Variants in DNAH8 observed in about 807,000 individuals in gnomAD.
DNAH8 encodes the protein dynein axonemal heavy chain 8.
In DNAH8, 382 loss-of-function variants were observed where a neutral mutation model predicts 562.1. The ratio of observed to expected loss-of-function variants is 0.68; its 90% CI spans 0.63 to 0.74. DNAH8 has a LOEUF of 0.74. DNAH8 is among the 30% of genes least tolerant of loss of function. The probability of loss-of-function intolerance (pLI) is 0.00; values close to 1 mark genes in which losing one functional copy is unlikely to be tolerated. For missense variants in DNAH8, 5,203 were observed against 5,620.4 expected (o/e 0.93, Z 2.37); for synonymous variants, 1,881 against 1,919.4 (o/e 0.98, Z 0.52).
At chr6:38,881,499 GT>G (rs372968158) in intron 53 of DNAH8, among the ~76,000 whole-genome samples, 161 of 151,448 alleles carry the variant, frequency 1.1e-3, no homozygotes, top group African/African-American at 3.8e-3. Context: ...ACCACAGGTT[GT>G]AAGGAACATC....
chr6:38,721,346 A>G (rs1034900419), intron 1 of DNAH8, among the ~76,000 whole-genome samples: 7 of 151,618 alleles, frequency 4.6e-5, no homozygotes, highest in African/African-American at 1.7e-4. Context: ...AAACAAACAA[A>G]CAAATAAATA....
intron 24 of DNAH8, among the ~76,000 whole-genome samples, chr6:38,813,491 A>G (rs1250470220): frequency 3.3e-5 from 5 of 152,036 alleles, no homozygotes; most frequent in African/African-American, 1.2e-4. Context: ...AAGAGAATGG[A>G]CAGTTTACAT....
At chr6:38,735,561 G>A (rs1046288158) in intron 5 of DNAH8, among the ~76,000 whole-genome samples, 3 of 152,136 alleles carry the variant, frequency 2.0e-5, no homozygotes, top group African/African-American at 7.2e-5. Flanking sequence ...ATGCCTCTAT[G>A]TATGGATGTT....
chr6:38,863,847 T>C (rs1776829935), intron 44 of DNAH8, 26 bp from the exon 45 acceptor site: 1 of 1,564,508 alleles, frequency 6.4e-7, no homozygotes, highest in Non-Finnish European at 8.6e-7. Context: ...AGTAAAACTT[T>C]ACAAATTAAC....
At chr6:38,789,990 C>A in intron 19 of DNAH8, 107 bp downstream of exon 19, 1 of 770,220 alleles carries the variant, frequency 1.3e-6, no homozygotes, top group Non-Finnish European at 2.0e-6. Flanking sequence ...GACCCTCCAT[C>A]TTTCTAGTTC....
chr6:38,825,960 A>T (rs1033230377), intron 28 of DNAH8, among the ~76,000 whole-genome samples, 196 bp from the exon 29 acceptor site: 9 of 152,288 alleles, frequency 5.9e-5, no homozygotes, highest in South Asian at 4.1e-4. Context: ...ACGGGGATAC[A>T]TGCTCTGTGG....
intron 4 of DNAH8, 42 bp from the exon 5 acceptor site, chr6:38,734,432 A>C: frequency 6.3e-7 from 1 of 1,587,602 alleles, no homozygotes; most frequent in African/African-American, 1.4e-5. Flanking sequence ...TCATTTGATT[A>C]GTTGTGTGAT....
rs1319882935 is a variant in DNAH8, at chr6:38,805,520, A to G, written c.3074A>G (p.Glu1025Gly). 2 of 1,610,220 alleles carry G rather than the reference A, an allele frequency of 1.2e-6. No individual in the cohort carries two copies. The highest frequency in any genetic ancestry group is 1.7e-6 in the Non-Finnish European group (2 of 1,176,912). ...GTTGTTTTTGGAAGTGAAACAGGAGAGGGTGAAAACAATGACTATGAAGCT... is the reference window on the plus strand; with the variant it reads ...GTTGTTTTTGGAAGTGAAACAGGAGGGGGTGAAAACAATGACTATGAAGCT... ...KHVVFGSETG[E>G]GENNDYEANI... The change falls in exon 23 of 93, where the codon GAG becomes GGG. Residue 1025 changes from glutamate to glycine, a missense_variant. Physicochemically the swap from Glu to Gly is moderately conservative, Grantham distance 98. Around this residue, in one of 6 missense-constraint regions of DNAH8, gnomAD observed 2,176 missense variants for 2,365.1 expected, o/e 0.92. Coordinates refer to ENST00000327475, the MANE Select transcript of DNAH8 (RefSeq NM_001206927.2).
At chr6:38,881,998 T>G (rs1778532932) in intron 53 of DNAH8, among the ~76,000 whole-genome samples, 1 of 152,186 alleles carries the variant, frequency 6.6e-6, no homozygotes, top group East Asian at 1.9e-4. Flanking sequence ...TTAATTCCAT[T>G]TCAGGCAAGG....
intron 41 of DNAH8, among the ~76,000 whole-genome samples, chr6:38,854,832 A>G (rs759899786): frequency 7.3e-5 from 11 of 150,784 alleles, no homozygotes; most frequent in Non-Finnish European, 1.5e-4. Context: ...GTATGTGTGT[A>G]TATATATATG....
chr6:38,763,064 C>A, intron 11 of DNAH8: 1 of 376,780 alleles, frequency 2.7e-6, no homozygotes, highest in South Asian at 2.2e-5. Context: ...GGTTTTAAAA[C>A]ATCATGGAAA....
At chr6:38,826,068 T>C (rs1773291906) in intron 28 of DNAH8, 88 bp from the exon 29 acceptor site, 3 of 799,074 alleles carry the variant, frequency 3.8e-6, no homozygotes, top group Non-Finnish European at 5.9e-6. Flanking sequence ...GGTTAGTGAC[T>C]ACTGAATTGG....
chr6:38,816,838 G>C (rs1772326041), intron 26 of DNAH8, among the ~76,000 whole-genome samples: 1 of 152,162 alleles, frequency 6.6e-6, no homozygotes, highest in African/African-American at 2.4e-5. Flanking sequence ...AATGATCACT[G>C]ATGTTGAGCT....
At chr6:38,962,556 A>G (rs967408696) in intron 82 of DNAH8, among the ~76,000 whole-genome samples, 8 of 152,190 alleles carry the variant, frequency 5.3e-5, no homozygotes, top group African/African-American at 1.9e-4. Flanking sequence ...ACAGTAAACA[A>G]TGTTGAGATA....
Position 39,030,171 on chromosome 6 carries a change from A to C in DNAH8, c.13903A>C (p.Met4635Leu), listed in dbSNP as rs971757386. The C allele has an allele frequency of 1.9e-6, 3 of 1,613,970 alleles. No homozygotes were observed. The highest frequency in any genetic ancestry group is 1.7e-5 in the Admixed American group (1 of 60,000). Residue 4635 changes from methionine to leucine, a missense_variant, in exon 93 of 93, where the codon ATG (methionine) becomes CTG (leucine). By Grantham distance (15) the Met-to-Leu change is conservative. Around this residue, in one of 6 missense-constraint regions of DNAH8, gnomAD observed 1,399 missense variants for 1,518.4 expected, o/e 0.92. Coordinates refer to ENST00000327475, the MANE Select transcript of DNAH8 (RefSeq NM_001206927.2). ...CTGGGACAGACGGAATGGGAAGCTC[A>C]TGGAATCCACCCCCAAGGTACTCTT... ...AAWDRRNGKLMESTPKVLFTQ... is the reference protein window; with the variant it reads ...AAWDRRNGKLLESTPKVLFTQ...
chr6:38,927,743 A>AT (rs1305916671), intron 74 of DNAH8, among the ~76,000 whole-genome samples: 2 of 151,968 alleles, frequency 1.3e-5, no homozygotes, highest in Non-Finnish European at 2.9e-5. Flanking sequence ...GAATGCTGCT[A>AT]TTTTTTCTGA....
At chr6:39,007,782 C>G (rs1765889451) in intron 88 of DNAH8, among the ~76,000 whole-genome samples, 1 of 152,174 alleles carries the variant, frequency 6.6e-6, no homozygotes. Flanking sequence ...ATGTCCTTTT[C>G]TGCCTCCCAC....
intron 10 of DNAH8, among the ~76,000 whole-genome samples, chr6:38,759,343 C>A (rs1014075063): frequency 6.2e-5 from 9 of 145,552 alleles, no homozygotes; most frequent in Admixed American, 5.5e-4. Flanking sequence ...ACAAACAAAC[C>A]ACCACCAACG....
At chr6:38,740,906 TC>T (rs1018641419) in intron 7 of DNAH8, among the ~76,000 whole-genome samples, 4 of 152,206 alleles carry the variant, frequency 2.6e-5, no homozygotes, top group Non-Finnish European at 5.9e-5. Context: ...GATCCACTGC[TC>T]CCAACCTTAG....
Sources: allele counts gnomAD v4.1 joint callset (sites outside exome capture counted in the v4.1 genomes callset), GRCh38; gene constraint gnomAD v4.1.1; regional missense constraint gnomAD v4.1.1; transcripts MANE v1.5; gene names NCBI Gene and HGNC (gene_info 2026-07-23, HGNC 2026-07-21).